The following CLVS1 variants were observed in gnomAD, a reference collection of about 807,000 sequenced individuals.
The protein encoded by CLVS1 is clavesin-1.
A neutral mutation model predicts 33.1 loss-of-function variants in CLVS1; 10 were observed. That is an observed-to-expected ratio of 0.30 (90% CI 0.19 to 0.51). The LOEUF is 0.51. CLVS1 is among the 20% of genes least tolerant of loss of function. The probability of loss-of-function intolerance (pLI) is 0.97; values close to 1 mark genes in which losing one functional copy is unlikely to be tolerated. For missense variants in CLVS1, 343 were observed against 433.4 expected, an observed-to-expected ratio of 0.79 and a Z score of 1.85; for synonymous variants, 163 against 166.1, an observed-to-expected ratio of 0.98 and a Z score of 0.14.
At chr8:60,976,749 C>T in the CLVS1 span, among the ~76,000 whole-genome samples, 1 of 152,364 alleles carries the variant, frequency 6.6e-6, no homozygotes, top group Admixed American at 6.5e-5. Flanking sequence ...GCAGTGGCTA[C>T]CGCCCTCATC....
At chr8:61,062,288 C>A (rs1804596385) in intron 1 of CLVS1, among the ~76,000 whole-genome samples, 1 of 152,150 alleles carries the variant, frequency 6.6e-6, no homozygotes, top group Non-Finnish European at 1.5e-5. Context: ...ACTGCACAAG[C>A]CAGCTGCACA....
At chr8:61,266,906 T>G (rs2119228) in intron 2 of CLVS1, among the ~76,000 whole-genome samples, 96,892 of 152,074 alleles carry the variant, frequency 0.64, 32,384 homozygotes, top group East Asian at 0.97. Flanking sequence ...TAGCTCTTTT[T>G]TGTCAACCCG....
the CLVS1 span, among the ~76,000 whole-genome samples, chr8:60,979,269 A>G: frequency 6.6e-6 from 1 of 152,214 alleles, no homozygotes; most frequent in Non-Finnish European, 1.5e-5. Flanking sequence ...ATGAGCATCA[A>G]GGTTTGCACA....
At chr8:61,402,276 A>T (rs1814799940) in intron 3 of CLVS1, among the ~76,000 whole-genome samples, 1 of 152,114 alleles carries the variant, frequency 6.6e-6, no homozygotes, top group South Asian at 2.1e-4. Flanking sequence ...AAGGCATGTC[A>T]AGCAAAAAAA....
intron 3 of CLVS1, among the ~76,000 whole-genome samples, chr8:61,406,332 G>A (rs1410756659): frequency 6.6e-6 from 1 of 152,146 alleles, no homozygotes; most frequent in East Asian, 1.9e-4. Flanking sequence ...TGAATTTAGA[G>A]AAGAAAAGAA....
chr8:61,220,705 T>G (rs1197212783), intron 2 of CLVS1, among the ~76,000 whole-genome samples: 1 of 152,026 alleles, frequency 6.6e-6, no homozygotes, highest in Non-Finnish European at 1.5e-5. Flanking sequence ...AGAATGTCAG[T>G]GGTAGTTTGA....
At chr8:61,036,463 G>A in the CLVS1 span, among the ~76,000 whole-genome samples, 2 of 152,200 alleles carry the variant, frequency 1.3e-5, no homozygotes, top group African/African-American at 4.8e-5. Flanking sequence ...AAGATCGGAG[G>A]CCCACCACTG....
upstream of CLVS1, chr8:61,287,948 G>C (rs1319286605): frequency 7.9e-6 from 3 of 380,750 alleles, no homozygotes; most frequent in Non-Finnish European, 1.0e-5. Context: ...CCGTATAGAA[G>C]GACAGAGAAT....
At chr8:61,171,120 T>A (rs544462825) in intron 2 of CLVS1, among the ~76,000 whole-genome samples, 50 of 152,204 alleles carry the variant, frequency 3.3e-4, no homozygotes, top group Non-Finnish European at 5.0e-4. Context: ...GTCCTCATTT[T>A]GTTAGTTTTA....
At chr8:61,103,926 C>T (rs1805492019) in intron 1 of CLVS1, among the ~76,000 whole-genome samples, 1 of 152,174 alleles carries the variant, frequency 6.6e-6, no homozygotes, top group Non-Finnish European at 1.5e-5. Context: ...CATCCCTCAT[C>T]TGGAAGCTTA....
At chr8:61,087,284 G>A (rs572169837) in intron 1 of CLVS1, among the ~76,000 whole-genome samples, 17 of 152,286 alleles carry the variant, frequency 1.1e-4, no homozygotes, top group Admixed American at 2.0e-4. Flanking sequence ...CTGGGAAGAG[G>A]GGGCATTGAG....
intron 2 of CLVS1, among the ~76,000 whole-genome samples, chr8:61,133,394 A>T (rs531689184): frequency 5.6e-4 from 85 of 152,242 alleles, no homozygotes; most frequent in Admixed American, 1.6e-3. Context: ...AGGGGTATGG[A>T]AGTCCAGGAA....
At chr8:61,131,273 C>T (rs1563414497) in intron 1 of CLVS1, among the ~76,000 whole-genome samples, 1 of 152,142 alleles carries the variant, frequency 6.6e-6, no homozygotes, top group Non-Finnish European at 1.5e-5. Flanking sequence ...AGAATGGATT[C>T]AAGACAGAGA....
At chr8:61,080,204 A>C (rs1218181134) in intron 1 of CLVS1, among the ~76,000 whole-genome samples, 1 of 152,250 alleles carries the variant, frequency 6.6e-6, no homozygotes, top group Non-Finnish European at 1.5e-5. Context: ...TGCATAATTT[A>C]TAGTAATTAG....
chr8:61,321,038 T>C (rs1811176982), intron 2 of CLVS1, among the ~76,000 whole-genome samples: 1 of 152,240 alleles, frequency 6.6e-6, no homozygotes, highest in Non-Finnish European at 1.5e-5. Flanking sequence ...AAAACATGCT[T>C]AAAACAAACA....
At chr8:61,334,454 C>T (rs1001936593) in intron 2 of CLVS1, among the ~76,000 whole-genome samples, 2 of 152,154 alleles carry the variant, frequency 1.3e-5, no homozygotes, top group Non-Finnish European at 2.9e-5. Context: ...ATGGGAAGAG[C>T]GATTCTTTGC....
In CLVS1 at chr8:61,271,284, T is replaced by C. The variant is rs1024459996; in HGVS notation, c.-151-28393T>C. ...CATTTCGTTATGTACCCAGTAGTCA[T>C]TCAGGAGCAGGTTGTTCAGTTTCCA... On this transcript the variant is annotated intron_variant, in intron 2 of 2. Coordinates refer to the CLVS1 transcript ENST00000522621. 3.7e-4 allele frequency among the ~76,000 whole-genome samples: 56 copies of C among 151,480 alleles called. 1 individual carries two copies. Among genetic ancestry groups the C allele is most frequent in the African/African-American group, 1.4e-3 (56 of 41,168 alleles).
chr8:61,002,220 G>T, the CLVS1 span, among the ~76,000 whole-genome samples: 4 of 151,844 alleles, frequency 2.6e-5, no homozygotes, highest in Non-Finnish European at 5.9e-5. Context: ...GGGCTCAAGG[G>T]ATCCTCTCAC....
chr8:61,357,004 C>G, intron 2 of CLVS1, among the ~76,000 whole-genome samples: 1 of 152,160 alleles, frequency 6.6e-6, no homozygotes, highest in Non-Finnish European at 1.5e-5. Flanking sequence ...TTACCTTGGG[C>G]AGTATGGCCA....
Sources: gnomAD v4.1 joint callset for allele counts (sites outside exome capture counted in the v4.1 genomes callset) on GRCh38, gnomAD v4.1.1 for gene constraint, MANE v1.5 for transcripts, NCBI Gene and HGNC (gene_info 2026-07-23, HGNC 2026-07-21) for gene names.